The following SP140L variants were observed in gnomAD, a reference collection of about 807,000 sequenced individuals.
The protein encoded by SP140L is SP140 like nuclear body protein.
SP140L carries 64 observed loss-of-function variants against 84.3 expected under a neutral mutation model. The ratio of observed to expected loss-of-function variants is 0.76; its 90% confidence interval spans 0.62 to 0.94. SP140L has a LOEUF of 0.94. SP140L is among the 40% of genes least tolerant of loss of function. The probability of loss-of-function intolerance (pLI) is 0.00; values close to 1 mark genes in which losing one functional copy is unlikely to be tolerated. For missense variants in SP140L, 628 were observed against 692.5 expected (o/e 0.91, Z 1.05); for synonymous variants, 242 against 236.9 (o/e 1.02, Z -0.20).
At chr2:230,328,712 GC>G in intron 1 of SP140L, 44 bp from the exon 2 acceptor site, 1 of 1,598,136 alleles carries the variant, frequency 6.3e-7, no homozygotes. Context: ...AGCAAAGGGT[GC>G]TGTTATTTAC....
chr2:230,400,206 A>G lies in SP140L; in HGVS notation c.1277A>G (p.His426Arg), dbSNP rs748721137. Residue 426 changes from histidine to arginine, a missense_variant, in exon 15 of 19, where the codon CAT becomes CGT. Transcript: ENST00000415673. ...TGCGACACTTGTTCAAGAGTCTTCC[A>G]TGAGGACTGCCACATCCCACCTGTG... is the stretch of plus-strand genomic sequence containing the variant. ...FCCDTCSRVF[H>R]EDCHIPPVES... 16 of 1,614,182 alleles carry G rather than the reference A, an allele frequency of 9.9e-6. No individual in the cohort carries two copies. In the South Asian group the frequency reaches 1.8e-4, roughly 18 times the overall value.
intron 13 of SP140L, among the ~76,000 whole-genome samples, chr2:230,394,208 T>A (rs1262806066): frequency 6.6e-6 from 1 of 152,168 alleles, no homozygotes; most frequent in African/African-American, 2.4e-5. Context: ...TGAAAGTGAT[T>A]TTTCCTTCAC....
chr2:230,335,866 T>C (rs1271848656), intron 2 of SP140L, among the ~76,000 whole-genome samples: 3 of 152,178 alleles, frequency 2.0e-5, no homozygotes, highest in Non-Finnish European at 4.4e-5. Flanking sequence ...GTACAGGTTC[T>C]TGTCTTCACC....
chr2:230,395,287 A>G (rs758957061), intron 13 of SP140L, among the ~76,000 whole-genome samples: 1 of 152,178 alleles, frequency 6.6e-6, no homozygotes, highest in Non-Finnish European at 1.5e-5. Flanking sequence ...GACCTCAAAA[A>G]TCATTTCAAG....
intron 7 of SP140L, among the ~76,000 whole-genome samples, chr2:230,381,791 A>G (rs1335131174): frequency 2.6e-5 from 4 of 151,772 alleles, no homozygotes; most frequent in African/African-American, 9.7e-5. Flanking sequence ...TTAGGTCTTT[A>G]GGTCCCTTAT....
chr2:230,390,492 C>G (rs755906718), intron 11 of SP140L, among the ~76,000 whole-genome samples: 64 of 152,268 alleles, frequency 4.2e-4, no homozygotes, highest in Non-Finnish European at 8.4e-4. Flanking sequence ...GGGGACCTTT[C>G]TGAATGTGAA....
chr2:230,357,751 A>G, intron 2 of SP140L, 54 bp from the exon 3 acceptor site: 1 of 1,558,500 alleles, frequency 6.4e-7, no homozygotes, highest in Non-Finnish European at 8.7e-7. Context: ...TACCATCTCC[A>G]CAAACATCTC....
chr2:230,373,427 C>T (rs553969805), intron 7 of SP140L, among the ~76,000 whole-genome samples: 4 of 152,308 alleles, frequency 2.6e-5, no homozygotes, highest in East Asian at 3.9e-4. Context: ...AGCCAATGCT[C>T]ATTTACCATT....
At chr2:230,329,300 G>T (rs1371428468) in intron 2 of SP140L, among the ~76,000 whole-genome samples, 2 of 152,012 alleles carry the variant, frequency 1.3e-5, no homozygotes, top group East Asian at 1.9e-4. Context: ...CAATTTTTAG[G>T]CAAAATTATT....
chr2:230,339,160 G>A (rs2059961360), intron 2 of SP140L, among the ~76,000 whole-genome samples: 1 of 151,316 alleles, frequency 6.6e-6, no homozygotes, highest in African/African-American at 2.4e-5. Flanking sequence ...ATTGATTATT[G>A]CCACAATTTC....
rs2060120111 is a variant in SP140L at position 230,343,425 on chromosome 2, A to G, written c.108-14380A>G. Among the ~76,000 whole-genome samples, 3 of 147,856 alleles carry G rather than the reference A, an allele frequency of 2.0e-5. 1 individual carries two copies. In the South Asian group the frequency reaches 6.5e-4, roughly 32 times the overall value. On this transcript the variant is annotated intron_variant, in intron 2 of 18. Transcript: ENST00000415673. ...AAAGGACATGATCTTGTTCCTATTT[A>G]TGGGTGCATAGTATTCCATGGTGTA...
At chr2:230,329,450 CTG>C (rs994817964) in intron 2 of SP140L, among the ~76,000 whole-genome samples, 2 of 152,124 alleles carry the variant, frequency 1.3e-5, no homozygotes, top group African/African-American at 4.8e-5. Flanking sequence ...TGGTTTGGCT[CTG>C]TGTCTCCACC....
At chr2:230,390,183 T>C (rs1427520558) in intron 11 of SP140L, among the ~76,000 whole-genome samples, 160 bp downstream of exon 11, 5 of 152,154 alleles carry the variant, frequency 3.3e-5, no homozygotes, top group Admixed American at 2.0e-4. Flanking sequence ...TTTAAGACTT[T>C]AAGAAATCAC....
Position 230,354,797 on chromosome 2 carries a change from AAGAG to A in SP140L, c.108-2996_108-2993del, listed in dbSNP as rs367812146. The stretch of plus-strand genomic sequence containing the variant: ...AAGAAAGAAGGGGTGGGGGCGGGGG[AAGAG>A]AGAGAGAGAGAAAGAAAAAGAAAGA... On this transcript the variant is annotated intron_variant, in intron 2 of 18. Transcript: ENST00000415673. Among the ~76,000 whole-genome samples, 90 of 142,540 alleles carry A rather than the reference AAGAG, an allele frequency of 6.3e-4. No homozygotes were observed. In the Middle Eastern group the frequency reaches 0.01, roughly 16 times the overall value. The allele number at this position is 142,540 out of a possible 152,430, so 93.5% of individuals were successfully genotyped here. A position where few individuals can be genotyped will look rare whatever the true frequency, so the allele number is the denominator to read the frequency against.
Position 230,393,436 on chromosome 2 carries a change from C to A in SP140L, c.1130C>A (p.Pro377Gln). ...LMEEGSLPNP[P>Q]RIYYRNKKRI... Reference sequence around the variant, plus strand: ...CAGGAAGGATCTCTACCTAATCCTCCAAGAATATATTACAGGAACAAAAAG... The same window carrying A: ...CAGGAAGGATCTCTACCTAATCCTCAAAGAATATATTACAGGAACAAAAAG... The change falls in exon 13 of 19, where the codon CCA (proline) becomes CAA (glutamine). Residue 377 changes from proline to glutamine, a missense_variant. Physicochemically the swap from Pro to Gln is moderately conservative, Grantham distance 76 (BLOSUM62 -1). This residue lies in a region of SP140L where 525 missense variants were observed against 518.4 expected (regional missense o/e 1.01). Transcript: ENST00000415673. 3 of 1,580,082 alleles carry A rather than the reference C, an allele frequency of 1.9e-6. No individual in the cohort carries two copies. Among genetic ancestry groups the A allele is most frequent in the Non-Finnish European group, 8.6e-7 (1 of 1,165,700 alleles).
chr2:230,386,239 T>C (rs2061576129), intron 9 of SP140L, among the ~76,000 whole-genome samples: 1 of 152,122 alleles, frequency 6.6e-6, no homozygotes, highest in Non-Finnish European at 1.5e-5. Context: ...GCTTGGAACT[T>C]GGGTAATCAA....
intron 2 of SP140L, among the ~76,000 whole-genome samples, chr2:230,352,255 G>T (rs1268909100): frequency 6.6e-6 from 1 of 151,906 alleles, no homozygotes; most frequent in East Asian, 1.9e-4. Context: ...TGGTGTATTA[G>T]TTCATTCTCA....
At chr2:230,393,315 GA>G in intron 12 of SP140L, 98 bp from the exon 13 acceptor site, 1 of 1,353,170 alleles carries the variant, frequency 7.4e-7, no homozygotes, top group Non-Finnish European at 1.0e-6. Context: ...GCTGGCATTG[GA>G]ACACTCAGGT....
chr2:230,344,250 G>T (rs2060146186), intron 2 of SP140L, among the ~76,000 whole-genome samples: 1 of 152,130 alleles, frequency 6.6e-6, no homozygotes, highest in South Asian at 2.1e-4. Flanking sequence ...TTGTTGAATT[G>T]AACCCTTTAC....
Sources: allele counts gnomAD v4.1 joint callset (sites outside exome capture counted in the v4.1 genomes callset), GRCh38; gene constraint gnomAD v4.1.1; regional missense constraint gnomAD v4.1.1; transcripts MANE v1.5; gene names NCBI Gene and HGNC (gene_info 2026-07-23, HGNC 2026-07-21).